Variants in HIPK3 observed in about 807,000 individuals in gnomAD.
HIPK3 encodes homeodomain interacting protein kinase 3.
Under a neutral mutation model 124.2 loss-of-function variants are expected in HIPK3, and 47 were observed. That is an observed-to-expected ratio of 0.38 (90% CI 0.30 to 0.48). The LOEUF is 0.48. Among genes scored for constraint, HIPK3 ranks in the 20% least tolerant of loss-of-function variants. HIPK3 has a pLI of 0.98. For missense variants in HIPK3, 1,286 were observed against 1,454.3 expected (o/e 0.88, Z 1.88); for synonymous variants, 482 against 515.2 (o/e 0.94, Z 0.87).
chr11:33,301,977 A>G (rs935769439), intron 2 of HIPK3, among the ~76,000 whole-genome samples: 2 of 152,174 alleles, frequency 1.3e-5, no homozygotes, highest in African/African-American at 4.8e-5. Context: ...TGTGTGACTC[A>G]GGAGACCTGT....
At position 33,355,253 on chromosome 11, in the gene HIPK3, T is replaced by C. The variant is rs1213948720; in HGVS notation, c.*1685T>C. 1 of 152,078 alleles carries C rather than the reference T, an allele frequency of 6.6e-6. No homozygotes were observed. Among genetic ancestry groups the C allele is most frequent in the Non-Finnish European group, 1.5e-5 (1 of 67,924 alleles). 9.4% of individuals were successfully genotyped at this position (152,078 alleles called of 1,614,324 possible). ...TGGAGTGTCATTGTAACTACTGTATTGTAAATGGTGGAAAATAATTGCATT... is the reference window on the plus strand; with the variant it reads ...TGGAGTGTCATTGTAACTACTGTATCGTAAATGGTGGAAAATAATTGCATT... On this transcript the variant is annotated 3_prime_UTR_variant, in exon 17 of 17. Coordinates refer to ENST00000303296, the MANE Select transcript of HIPK3 (RefSeq NM_005734.5).
intron 2 of HIPK3, among the ~76,000 whole-genome samples, chr11:33,302,475 TA>T (rs1852034260): frequency 6.6e-6 from 1 of 151,934 alleles, no homozygotes; most frequent in African/African-American, 2.4e-5. Context: ...TAGCTGGAAT[TA>T]GAGGCACCTG....
chr11:33,336,068 T>C (rs1853137920), intron 3 of HIPK3, among the ~76,000 whole-genome samples: 1 of 152,066 alleles, frequency 6.6e-6, no homozygotes, highest in Non-Finnish European at 1.5e-5. Context: ...GAATATTAGA[T>C]AATGAAAAGC....
rs1853802829 is a variant in HIPK3 at position 33,355,840 on chromosome 11, T to C, written c.*2272T>C. ...CATTTTATACAAATAGAAATATATA[T>C]ATATAAAAAATTAAATGTTTAAAAA... On this transcript the variant is annotated 3_prime_UTR_variant, in exon 17 of 17. Transcript: ENST00000303296. 1 of 151,728 alleles carries C rather than the reference T, an allele frequency of 6.6e-6. No individual in the cohort carries two copies. Among genetic ancestry groups the C allele is most frequent in the African/African-American group, 2.4e-5 (1 of 41,414 alleles). 9.4% of individuals were successfully genotyped at this position (151,728 alleles called of 1,614,324 possible). A position where few individuals can be genotyped will look rare whatever the true frequency, so the allele number is the denominator to read the frequency against.
At position 33,337,157 on chromosome 11, in the gene HIPK3, A is replaced by G. The variant is rs768155159; in HGVS notation, c.1304A>G (p.Lys435Arg). ...ACTAAATCCACAAGATTTTTTTGCA[A>G]AGAAACAGATATGTCTCATTCTGGT... ...VGTKSTRFFC[K>R]ETDMSHSGWR... Residue 435 changes from lysine to arginine, a missense_variant, in exon 4 of 17, where the codon AAA (lysine) becomes AGA (arginine). By Grantham distance (26) the Lys-to-Arg change is conservative (BLOSUM62 2). Transcript: ENST00000303296. 127 of 1,571,362 alleles carry G rather than the reference A, an allele frequency of 8.1e-5. No individual in the cohort carries two copies. Among genetic ancestry groups the G allele is most frequent in the Non-Finnish European group, 1.1e-4 (121 of 1,142,510 alleles).
At chr11:33,316,412 A>G (rs563793072) in intron 2 of HIPK3, among the ~76,000 whole-genome samples, 6 of 152,334 alleles carry the variant, frequency 3.9e-5, no homozygotes, top group African/African-American at 1.4e-4. Context: ...TTCCCCTGTT[A>G]TGCTAAAAGA....
At chr11:33,280,114 G>T (rs1448415761) in intron 1 of HIPK3, among the ~76,000 whole-genome samples, 1 of 152,166 alleles carries the variant, frequency 6.6e-6, no homozygotes, top group Non-Finnish European at 1.5e-5. Flanking sequence ...CTTAATGGTT[G>T]CTCTAATAGG....
chr11:33,328,435 T>C (rs1852872657), intron 2 of HIPK3, 75 bp from the exon 3 acceptor site: 3 of 1,442,624 alleles, frequency 2.1e-6, no homozygotes, highest in Admixed American at 1.7e-5. Context: ...TTTACCAACT[T>C]CCTAGAATGC....
At chr11:33,306,831 A>G (rs947104551) in intron 2 of HIPK3, among the ~76,000 whole-genome samples, 1 of 152,176 alleles carries the variant, frequency 6.6e-6, no homozygotes, top group Non-Finnish European at 1.5e-5. Flanking sequence ...GGAGTCTCCC[A>G]TAGTTGTTTC....
rs114828426 is a variant in HIPK3, at chr11:33,257,569, G to C, written c.-323G>C. On this transcript the variant is annotated 5_prime_UTR_variant, in exon 1 of 17. Coordinates refer to ENST00000303296, the MANE Select transcript of HIPK3 (RefSeq NM_005734.5). ...CCGTAGGCCCCAGTAGCCGGAGGCC[G>C]ACCGGCCTCCCACTACCCCTCGCCC... 225 of 985,732 alleles carry C rather than the reference G, an allele frequency of 2.3e-4. 1 individual carries two copies. The African/African-American group carries it at 3.6e-3, about 16-fold the overall frequency. The allele number at this position is 985,732 out of a possible 1,614,324, so 61.1% of individuals were successfully genotyped here.
Position 33,353,354 on chromosome 11 carries a change from C to A in HIPK3, c.3434C>A (p.Pro1145His). The change falls in exon 17 of 17, where the codon CCT becomes CAT. Residue 1145 changes from proline to histidine, a missense_variant. Pro to His is a moderately conservative substitution (Grantham distance 77). Coordinates refer to ENST00000303296, the MANE Select transcript of HIPK3 (RefSeq NM_005734.5). ...TTAGCCTCTCCGTGTACCTCAAGAC[C>A]TATGTTACAGCATCCAACTTATAAT... Reference protein sequence around the residue: ...HLLASPCTSRPMLQHPTYNIS... With the variant: ...HLLASPCTSRHMLQHPTYNIS... 2 of 1,614,158 alleles carry A rather than the reference C, an allele frequency of 1.2e-6. No individual in the cohort carries two copies. Among genetic ancestry groups the A allele is most frequent in the Non-Finnish European group, 1.7e-6 (2 of 1,180,022 alleles).
At chr11:33,314,374 T>TG (rs1481563719) in intron 2 of HIPK3, among the ~76,000 whole-genome samples, 15 of 151,896 alleles carry the variant, frequency 9.9e-5, no homozygotes, top group Non-Finnish European at 2.2e-4. Context: ...GACTCTAGGC[T>TG]GGGGAGGGTG....
chr11:33,346,260 CT>C (rs575611003), intron 8 of HIPK3, among the ~76,000 whole-genome samples: 40 of 152,254 alleles, frequency 2.6e-4, no homozygotes, highest in African/African-American at 9.6e-4. Flanking sequence ...ATTAACATGT[CT>C]GGTAATCCTG....
At chr11:33,269,922 C>T (rs1351350800) in intron 1 of HIPK3, among the ~76,000 whole-genome samples, 2 of 152,036 alleles carry the variant, frequency 1.3e-5, no homozygotes, top group South Asian at 2.1e-4. Flanking sequence ...GCCTGGATTC[C>T]CTATCTAGCA....
At chr11:33,266,035 G>A (rs1850951734) in intron 1 of HIPK3, among the ~76,000 whole-genome samples, 1 of 146,696 alleles carries the variant, frequency 6.8e-6, no homozygotes, top group Non-Finnish European at 1.5e-5. Flanking sequence ...AGTGAGCCTG[G>A]GCGACAGAGT....
chr11:33,284,856 T>G (rs1347632050), intron 1 of HIPK3, among the ~76,000 whole-genome samples: 1 of 152,198 alleles, frequency 6.6e-6, no homozygotes, highest in Non-Finnish European at 1.5e-5. Context: ...ACGTACACGT[T>G]TATATATTGT....
chr11:33,320,701 T>G (rs1042882280), intron 2 of HIPK3, among the ~76,000 whole-genome samples: 1 of 151,414 alleles, frequency 6.6e-6, no homozygotes, highest in Admixed American at 6.6e-5. Flanking sequence ...AAAAGAGGAG[T>G]TAAATTTGAT....
At chr11:33,290,485 T>C (rs1851669650) in intron 2 of HIPK3, among the ~76,000 whole-genome samples, 1 of 152,098 alleles carries the variant, frequency 6.6e-6, no homozygotes, top group Non-Finnish European at 1.5e-5. Flanking sequence ...TAGCATATTA[T>C]ATAAACTCCC....
chr11:33,259,474 A>G (rs1850766432), intron 1 of HIPK3, among the ~76,000 whole-genome samples: 1 of 152,192 alleles, frequency 6.6e-6, no homozygotes, highest in South Asian at 2.1e-4. Context: ...CCTTTTGTAA[A>G]AAAAGTTTTC....
Sources: allele counts gnomAD v4.1 joint callset (sites outside exome capture counted in the v4.1 genomes callset), GRCh38; gene constraint gnomAD v4.1.1; transcripts MANE v1.5; gene names NCBI Gene and HGNC (gene_info 2026-07-23, HGNC 2026-07-21).